ITPR1: variants seen among roughly 807,000 people sequenced by gnomAD.
The protein encoded by ITPR1 is inositol 1,4,5-trisphosphate-gated calcium channel ITPR1.
A neutral mutation model predicts 318.4 loss-of-function variants in ITPR1; 96 were observed. The ratio of observed to expected loss-of-function variants is 0.30; its 90% CI spans 0.26 to 0.36. The LOEUF (loss-of-function observed/expected upper bound fraction) is 0.36. Among genes scored for constraint, ITPR1 ranks in the 10% least tolerant of loss-of-function variants. ITPR1 has a pLI of 1.00. For synonymous variants in ITPR1, 1,312 were observed against 1,289.9 expected, an observed-to-expected ratio of 1.02 and a Z score of -0.37; for missense variants, 2,440 against 3,460.2, an observed-to-expected ratio of 0.71 and a Z score of 7.40.
chr3:4,601,972 G>C (rs2091320585), intron 4 of ITPR1, among the ~76,000 whole-genome samples: 1 of 152,172 alleles, frequency 6.6e-6, no homozygotes. Flanking sequence ...TAGTCATTAG[G>C]GAAATGCAAA....
chr3:4,783,364 TCA>T (rs1393832499), intron 50 of ITPR1, among the ~76,000 whole-genome samples: 1 of 152,004 alleles, frequency 6.6e-6, no homozygotes, highest in Non-Finnish European at 1.5e-5. Context: ...TCTTTTAAAC[TCA>T]GGTACGGGAA....
chr3:4,710,234 CATCAGTGT>C lies in ITPR1; in HGVS notation c.4843-90_4843-83del. 2 of 1,234,392 alleles carry C rather than the reference CATCAGTGT, an allele frequency of 1.6e-6. No individual in the cohort carries two copies. Among genetic ancestry groups the C allele is most frequent in the Non-Finnish European group, 2.2e-6 (2 of 928,548 alleles). 76.5% of individuals were successfully genotyped at this position (1,234,392 alleles called of 1,614,324 possible). Reference sequence around the variant, plus strand: ...GTTACTCTAACCTAGCCTACCCGTGCATCAGTGTTTTAGGGCAGAAATCAATGTCCTCA... The same window carrying C: ...GTTACTCTAACCTAGCCTACCCGTGCTTTAGGGCAGAAATCAATGTCCTCA... On this transcript the variant is annotated intron_variant, in intron 37 of 61. Coordinates refer to ENST00000649015, the MANE Select transcript of ITPR1 (RefSeq NM_001378452.1). The surrounding 1 kb of genome is among the most constrained non-coding windows in gnomAD (Gnocchi z 4.2).
At chr3:4,591,601 G>A (rs2090403612) in intron 4 of ITPR1, among the ~76,000 whole-genome samples, 1 of 152,226 alleles carries the variant, frequency 6.6e-6, no homozygotes, top group African/African-American at 2.4e-5. Context: ...AGGATAGCCT[G>A]ACTATTTTCC....
chr3:4,519,405 C>G (rs2082392517), intron 3 of ITPR1, among the ~76,000 whole-genome samples: 1 of 151,994 alleles, frequency 6.6e-6, no homozygotes, highest in African/African-American at 2.4e-5. Context: ...TTTTGAATTT[C>G]TAGTAGTGAC....
chr3:4,722,821 G>A (rs552617013), intron 40 of ITPR1, among the ~76,000 whole-genome samples: 2 of 152,222 alleles, frequency 1.3e-5, no homozygotes, highest in South Asian at 4.1e-4. Flanking sequence ...AATAAACCAA[G>A]GATTAATTAG....
intron 16 of ITPR1, among the ~76,000 whole-genome samples, chr3:4,664,210 T>A (rs2093897549): frequency 6.6e-6 from 1 of 152,214 alleles, no homozygotes; most frequent in South Asian, 2.1e-4. Flanking sequence ...CACCACAGAA[T>A]CTTTCCGTAA....
intron 4 of ITPR1, among the ~76,000 whole-genome samples, chr3:4,580,181 T>G (rs11926353): frequency 0.15 from 23,027 of 152,006 alleles, 1,910 homozygotes; most frequent in African/African-American, 0.21. Context: ...CTCCACTCCA[T>G]CCTGGGCAAC....
intron 1 of ITPR1, among the ~76,000 whole-genome samples, chr3:4,493,904 T>TG (rs1460057534): frequency 6.6e-6 from 1 of 151,512 alleles, no homozygotes; most frequent in African/African-American, 2.4e-5. Flanking sequence ...TTTTTTTTTT[T>TG]TGAAGAGAGG....
At chr3:4,843,148 A>G (rs558215541) in intron 61 of ITPR1, among the ~76,000 whole-genome samples, 91 of 140,902 alleles carry the variant, frequency 6.5e-4, no homozygotes, top group Non-Finnish European at 1.2e-3. Flanking sequence ...ACACTTTAGC[A>G]GTTGCCCAAT....
At chr3:4,520,680 A>C (rs182364517) in intron 3 of ITPR1, among the ~76,000 whole-genome samples, 1 of 152,206 alleles carries the variant, frequency 6.6e-6, no homozygotes, top group African/African-American at 2.4e-5. Flanking sequence ...ACCTGGCACA[A>C]AGTCAGCTCC....
chr3:4,806,004 C>T, intron 54 of ITPR1, 99 bp from the exon 55 acceptor site: 2 of 1,033,522 alleles, frequency 1.9e-6, no homozygotes, highest in Non-Finnish European at 2.8e-6. Flanking sequence ...TTTGTTTGGG[C>T]ACGGTGACTG....
At chr3:4,590,404 G>C (rs2090297862) in intron 4 of ITPR1, among the ~76,000 whole-genome samples, 1 of 151,642 alleles carries the variant, frequency 6.6e-6, no homozygotes, top group African/African-American at 2.4e-5. Flanking sequence ...GTCAGTGGTT[G>C]ACTGCATTAT....
Position 4,590,666 on chromosome 3 carries a change from G to A in ITPR1, c.164-37097G>A, listed in dbSNP as rs534730020. Among the ~76,000 whole-genome samples, 12 of 152,110 alleles carry A rather than the reference G, an allele frequency of 7.9e-5. No individual in the cohort carries two copies. In the South Asian group the frequency reaches 2.3e-3, roughly 29 times the overall value. On this transcript the variant is annotated intron_variant, in intron 4 of 61. Coordinates refer to ENST00000649015, the MANE Select transcript of ITPR1 (RefSeq NM_001378452.1). The stretch of plus-strand genomic sequence containing the variant: ...TGAGCTCAAGCGATCCTCTTGAATA[G>A]CTGGGACTACAGGCATGTGCCAGCA...
At position 4,546,669 on chromosome 3, in the gene ITPR1, G is replaced by T. The variant is rs147055325; in HGVS notation, c.163+25575G>T. On this transcript the variant is annotated intron_variant, in intron 4 of 61. Coordinates refer to ENST00000649015, the MANE Select transcript of ITPR1 (RefSeq NM_001378452.1). ...ATCTACTTAAACAGGTTGTGAATCTGTCTTAAGGATAGACAAATAATTTAA... is the reference window on the plus strand; with the variant it reads ...ATCTACTTAAACAGGTTGTGAATCTTTCTTAAGGATAGACAAATAATTTAA... 1.7e-3 allele frequency among the ~76,000 whole-genome samples: 265 copies of T among 151,624 alleles called. 2 individuals are homozygous for T. Among genetic ancestry groups the T allele is most frequent in the African/African-American group, 6.0e-3 (249 of 41,340 alleles).
chr3:4,596,735 A>G (rs1212093151), intron 4 of ITPR1, among the ~76,000 whole-genome samples: 1 of 152,152 alleles, frequency 6.6e-6, no homozygotes, highest in Non-Finnish European at 1.5e-5. Flanking sequence ...TGGTCTTCCC[A>G]CAGTCACCTT....
intron 36 of ITPR1, among the ~76,000 whole-genome samples, chr3:4,704,124 T>C (rs2094709275): frequency 6.6e-6 from 1 of 152,158 alleles, no homozygotes; most frequent in Admixed American, 6.5e-5. Flanking sequence ...AAAAACTACC[T>C]GTTGGAGGCC....
At chr3:4,744,026 G>A (rs902375097) in intron 44 of ITPR1, among the ~76,000 whole-genome samples, 4 of 152,120 alleles carry the variant, frequency 2.6e-5, no homozygotes, top group Non-Finnish European at 4.4e-5. Flanking sequence ...AGTAGAGACG[G>A]GGTTTCTACA....
rs776530035 is a variant in ITPR1, at chr3:4,813,165, G to C, written c.7492G>C (p.Glu2498Gln). 2 of 1,613,948 alleles carry C rather than the reference G, an allele frequency of 1.2e-6. No individual in the cohort carries two copies. The highest frequency in any genetic ancestry group is 8.5e-7 in the Non-Finnish European group (1 of 1,179,880). ...AGAAACCGGCGAGAGTTTGGCAAGC[G>C]AGTTCCTGTTCTCCGATGTGTGTAG... ...VPETGESLAS[E>Q]FLFSDVCRVE... Residue 2498 changes from glutamate (E) to glutamine (Q), a missense_variant, in exon 57 of 62, where the codon GAG (glutamate) becomes CAG (glutamine). Glu to Gln is a conservative substitution (Grantham distance 29, BLOSUM62 2). Around this residue, in one of 23 missense-constraint regions of ITPR1, gnomAD observed 88 missense variants for 90.5 expected, o/e 0.97. Coordinates refer to ENST00000649015, the MANE Select transcript of ITPR1 (RefSeq NM_001378452.1).
intron 33 of ITPR1, among the ~76,000 whole-genome samples, chr3:4,694,697 G>C (rs576037233): frequency 6.6e-6 from 1 of 152,294 alleles, no homozygotes; most frequent in East Asian, 1.9e-4. Context: ...ATTTGTGTAT[G>C]TAAACATGGA....
Sources: allele counts gnomAD v4.1 joint callset (sites outside exome capture counted in the v4.1 genomes callset), GRCh38; gene constraint gnomAD v4.1.1; regional missense constraint gnomAD v4.1.1; non-coding constraint Gnocchi (gnomAD v3.1); transcripts MANE v1.5; gene names NCBI Gene and HGNC (gene_info 2026-07-23, HGNC 2026-07-21).